Variants in ABHD2 observed in about 807,000 individuals in gnomAD.
ABHD2 encodes abhydrolase domain containing 2, acylglycerol lipase.
In ABHD2, 20 loss-of-function variants were observed where a neutral mutation model predicts 48.1. That is an observed-to-expected ratio of 0.42 (90% CI 0.29 to 0.60). The LOEUF (loss-of-function observed/expected upper bound fraction) is 0.60, where lower values mean the gene tolerates loss of function less well. Ranked by LOEUF, ABHD2 falls within the 20% of genes least tolerant of loss-of-function variation. The pLI, the probability that ABHD2 is intolerant of heterozygous loss-of-function variation, is 0.24. For synonymous variants in ABHD2, 209 were observed against 214.2 expected, an observed-to-expected ratio of 0.98 and a Z score of 0.21; for missense variants, 405 against 550.9, an observed-to-expected ratio of 0.74 and a Z score of 2.65.
At chr15:89,171,712 C>T (rs1314912688) in intron 5 of ABHD2, among the ~76,000 whole-genome samples, 1 of 152,068 alleles carries the variant, frequency 6.6e-6, no homozygotes. Context: ...GAAAGGGAGT[C>T]TGAAAAGGGG....
chr15:89,143,443 G>A (rs996041553), intron 3 of ABHD2, among the ~76,000 whole-genome samples: 9 of 152,180 alleles, frequency 5.9e-5, no homozygotes, highest in African/African-American at 1.7e-4. Flanking sequence ...CGAGGCGGGT[G>A]GATCACCTGA....
rs1047139643 is a variant in ABHD2 at position 89,091,529 on chromosome 15, G to A, written c.-107+2966G>A. ...GTTACTCGTTGCTTTAAGCATTTACGCCTTTTCCTGGTAATCTCCGGCAGG... is the reference window on the plus strand; with the variant it reads ...GTTACTCGTTGCTTTAAGCATTTACACCTTTTCCTGGTAATCTCCGGCAGG... On this transcript the variant is annotated intron_variant, in intron 1 of 10. Coordinates refer to ENST00000352732, the MANE Select transcript of ABHD2 (RefSeq NM_152924.5). The surrounding 1 kb of genome is among the most constrained non-coding windows in gnomAD (Gnocchi z 5.5). Among the ~76,000 whole-genome samples, 21 of 151,970 alleles carry A rather than the reference G, an allele frequency of 1.4e-4. No homozygotes were observed. Among genetic ancestry groups the A allele is most frequent in the African/African-American group, 4.1e-4 (17 of 41,352 alleles).
At chr15:89,085,877 T>C (rs1218616313), upstream of ABHD2, among the ~76,000 whole-genome samples, 4 of 152,298 alleles carry the variant, frequency 2.6e-5, no homozygotes, top group East Asian at 7.7e-4. The surrounding 1 kb of genome is among the most constrained non-coding windows in gnomAD (Gnocchi z 4.2). Context: ...GAAGCAAACC[T>C]GTATTGGGCT....
chr15:89,048,134 A>G, the ABHD2 span, among the ~76,000 whole-genome samples: 1 of 150,872 alleles, frequency 6.6e-6, no homozygotes, highest in South Asian at 2.1e-4. Flanking sequence ...TCTGTAAAGT[A>G]TTTTATTTCT....
At chr15:89,139,284 T>A (rs564967828) in intron 3 of ABHD2, among the ~76,000 whole-genome samples, 1 of 152,272 alleles carries the variant, frequency 6.6e-6, no homozygotes, top group South Asian at 2.1e-4. Flanking sequence ...TGCTCAGAAA[T>A]ATCTCTCCTC....
the ABHD2 span, among the ~76,000 whole-genome samples, chr15:89,043,448 G>A: frequency 7.7e-6 from 1 of 130,470 alleles, no homozygotes; most frequent in Non-Finnish European, 1.7e-5. Flanking sequence ...GAAGAAGAAG[G>A]AGGAGGAGGA....
chr15:89,081,001 C>CT, the ABHD2 span, among the ~76,000 whole-genome samples: 1 of 139,106 alleles, frequency 7.2e-6, no homozygotes, highest in Non-Finnish European at 1.5e-5. Flanking sequence ...AATTTCATTC[C>CT]TTTTTTTTTT....
At position 89,201,197 on chromosome 15, in the gene ABHD2, T is replaced by C; in HGVS notation, c.*5774T>C. ...TGAGGTTGATCCAGGTTTATCCGAATATGCTACCTTTCTGAGCCTTAAACC... is the reference window on the plus strand; with the variant it reads ...TGAGGTTGATCCAGGTTTATCCGAACATGCTACCTTTCTGAGCCTTAAACC... On this transcript the variant is annotated 3_prime_UTR_variant, in exon 11 of 11. Transcript: ENST00000352732. The C allele has an allele frequency of 6.8e-7, 1 of 1,476,260 alleles. No homozygotes were observed. The highest frequency in any genetic ancestry group is 1.7e-5 in the Admixed American group (1 of 57,458). The allele number at this position is 1,476,260 out of a possible 1,614,324, so 91.4% of individuals were successfully genotyped here.
intron 1 of ABHD2, among the ~76,000 whole-genome samples, chr15:89,090,000 G>C (rs2150765906): frequency 6.6e-6 from 1 of 152,314 alleles, no homozygotes; most frequent in East Asian, 1.9e-4. Flanking sequence ...AGGAAACTGA[G>C]GCCTGGGGTG....
At chr15:89,134,672 T>A (rs896370906) in intron 3 of ABHD2, among the ~76,000 whole-genome samples, 2 of 152,184 alleles carry the variant, frequency 1.3e-5, no homozygotes, top group Non-Finnish European at 2.9e-5. Context: ...ATCTTATTAT[T>A]TTTATTGTGT....
At chr15:89,191,343 C>G (rs1286453675) in intron 9 of ABHD2, among the ~76,000 whole-genome samples, 194 bp downstream of exon 9, 1 of 152,152 alleles carries the variant, frequency 6.6e-6, no homozygotes, top group Non-Finnish European at 1.5e-5. Context: ...CCAGAGCTGC[C>G]CCTTAGACTG....
chr15:89,155,271 C>T lies in ABHD2; in HGVS notation c.371-96C>T, dbSNP rs2050653215. ...CTGAGTGAAAGATGTATGTTGAATT[C>T]CCTCCCCTTGTTTTCTAGACCAGTG... On this transcript the variant is annotated intron_variant, in intron 4 of 10. Coordinates refer to ENST00000352732, the MANE Select transcript of ABHD2 (RefSeq NM_152924.5). The surrounding 1 kb of genome is among the most constrained non-coding windows in gnomAD (Gnocchi z 4.9). 7.3e-7 allele frequency: 1 copy of T among 1,362,714 alleles called. No individual in the cohort carries two copies. Among genetic ancestry groups the T allele is most frequent in the South Asian group, 1.3e-5 (1 of 74,370 alleles). 84.4% of individuals were successfully genotyped at this position (1,362,714 alleles called of 1,614,324 possible). A position where few individuals can be genotyped will look rare whatever the true frequency, so the allele number is the denominator to read the frequency against.
At chr15:89,070,940 T>C in the ABHD2 span, among the ~76,000 whole-genome samples, 1 of 152,054 alleles carries the variant, frequency 6.6e-6, no homozygotes, top group Non-Finnish European at 1.5e-5. Flanking sequence ...TCCTTTTCTA[T>C]TTTCCTCCTA....
chr15:89,089,137 G>A (rs1028424502), intron 1 of ABHD2, among the ~76,000 whole-genome samples: 3 of 152,230 alleles, frequency 2.0e-5, no homozygotes, highest in Admixed American at 2.0e-4. Flanking sequence ...CACAGCTAGA[G>A]CTGTCCAGCA....
chr15:89,200,436 C>A lies in ABHD2; in HGVS notation c.*5013C>A, dbSNP rs1299677710. ...TCCTCACTTCCCAGATGGGGCGGCT[C>A]CCGGGAAGCGGGGCTCCTCACTTCC... On this transcript the variant is annotated 3_prime_UTR_variant, in exon 11 of 11. Transcript: ENST00000352732. The A allele has an allele frequency of 2.0e-5, 3 of 150,872 alleles. No homozygotes were observed. The highest frequency in any genetic ancestry group is 7.5e-5 in the African/African-American group (3 of 39,776). The allele number at this position is 150,872 out of a possible 1,614,324, so 9.3% of individuals were successfully genotyped here. A position where few individuals can be genotyped will look rare whatever the true frequency, so the allele number is the denominator to read the frequency against.
chr15:89,089,167 A>C (rs1179564948), intron 1 of ABHD2, among the ~76,000 whole-genome samples: 1 of 152,242 alleles, frequency 6.6e-6, no homozygotes, highest in African/African-American at 2.4e-5. Flanking sequence ...GCTGCCTGCC[A>C]GGCCGGGCAG....
intron 3 of ABHD2, among the ~76,000 whole-genome samples, chr15:89,143,758 T>G (rs1429109780): frequency 6.6e-6 from 1 of 151,562 alleles, no homozygotes; most frequent in East Asian, 1.9e-4. Flanking sequence ...GGAAATGGCC[T>G]CAAGTCAAAA....
At chr15:89,132,180 A>G (rs1401344434) in intron 3 of ABHD2, among the ~76,000 whole-genome samples, 1 of 152,230 alleles carries the variant, frequency 6.6e-6, no homozygotes, top group African/African-American at 2.4e-5. Context: ...GGGGAAAGAA[A>G]GAGCTGTCGG....
rs527334782 is a variant in ABHD2, at chr15:89,104,489, C to T, written c.-106-9236C>T. Among the ~76,000 whole-genome samples the T allele has an allele frequency of 3.9e-5, 6 of 152,176 alleles. No homozygotes were observed. The South Asian group carries it at 8.3e-4, about 21-fold the overall frequency. ...GCTGCACGTGTTAATGCTGTCATCA[C>T]GGGCCCCACAGTGTGTATTAGCCAA... is the stretch of plus-strand genomic sequence containing the variant. On this transcript the variant is annotated intron_variant, in intron 1 of 10. Transcript: ENST00000352732. The surrounding 1 kb of genome is among the most constrained non-coding windows in gnomAD (Gnocchi z 4.4).
Sources: allele counts gnomAD v4.1 joint callset (sites outside exome capture counted in the v4.1 genomes callset), GRCh38; gene constraint gnomAD v4.1.1; non-coding constraint Gnocchi (gnomAD v3.1); transcripts MANE v1.5; gene names NCBI Gene and HGNC (gene_info 2026-07-23, HGNC 2026-07-21).